SRPK2: variants seen among roughly 807,000 people sequenced by gnomAD.
SRPK2 encodes SRSF protein kinase 2, also known as SFRS protein kinase 2.
In SRPK2, 21 loss-of-function variants were observed where a neutral mutation model predicts 90.8. The observed-to-expected ratio is 0.23, with a 90% CI of 0.16 to 0.33. SRPK2 has a LOEUF of 0.33. Ranked by LOEUF, SRPK2 falls within the 10% of genes least tolerant of loss-of-function variation. The pLI, the probability that SRPK2 is intolerant of heterozygous loss-of-function variation, is 1.00. For missense variants in SRPK2, 620 were observed against 869.0 expected (o/e 0.71, Z 3.60); for synonymous variants, 288 against 311.1 (o/e 0.93, Z 0.78).
chr7:105,322,273 C>T (rs75537225), intron 2 of SRPK2, among the ~76,000 whole-genome samples: 3 of 151,964 alleles, frequency 2.0e-5, no homozygotes, highest in Admixed American at 1.3e-4. Flanking sequence ...AAAAATTAGC[C>T]GGGCATAGGG....
intron 3 of SRPK2, among the ~76,000 whole-genome samples, chr7:105,186,847 C>G (rs79435087): frequency 2.7e-3 from 409 of 152,274 alleles, no homozygotes; most frequent in African/African-American, 9.3e-3. Flanking sequence ...TGCTCTGAGG[C>G]CACCATGCTC....
chr7:105,141,748 CA>C (rs1486026280), intron 11 of SRPK2, among the ~76,000 whole-genome samples: 1 of 152,248 alleles, frequency 6.6e-6, no homozygotes, highest in African/African-American at 2.4e-5. Flanking sequence ...AAGGTTTTTG[CA>C]AATGATGCTG....
At position 105,388,883 on chromosome 7, in the gene SRPK2, A is replaced by G; in HGVS notation, c.-77T>C. ...CGAGACGAGCTGGGCTGCAGCCTCCACTCGCTCCGCCGGCCGGGAGGAGAC... is the reference window on the plus strand; with the variant it reads ...CGAGACGAGCTGGGCTGCAGCCTCCGCTCGCTCCGCCGGCCGGGAGGAGAC... On this transcript the variant is annotated 5_prime_UTR_variant, in exon 1 of 16. Transcript: ENST00000393651. The G allele has an allele frequency of 8.0e-7, 1 of 1,243,716 alleles. No homozygotes were observed. Among genetic ancestry groups the G allele is most frequent in the South Asian group, 3.3e-5 (1 of 30,742 alleles). The allele number at this position is 1,243,716 out of a possible 1,614,324, so 77.0% of individuals were successfully genotyped here. A position where few individuals can be genotyped will look rare whatever the true frequency, so the allele number is the denominator to read the frequency against.
chr7:105,123,069 TGAAGACAGGACAGG>T (rs1194501976), intron 15 of SRPK2, among the ~76,000 whole-genome samples: 2 of 152,114 alleles, frequency 1.3e-5, no homozygotes, highest in Non-Finnish European at 2.9e-5. Context: ...ACCCACTTCT[TGAAGACAGGACAGG>T]GAAAAAATTC....
At chr7:105,272,409 T>G (rs146054477) in intron 2 of SRPK2, among the ~76,000 whole-genome samples, 1 of 152,240 alleles carries the variant, frequency 6.6e-6, no homozygotes, top group Non-Finnish European at 1.5e-5. Flanking sequence ...CCTGTGTAGT[T>G]TGAATAAATA....
At chr7:105,311,388 A>G (rs1333079070) in intron 2 of SRPK2, among the ~76,000 whole-genome samples, 1 of 152,108 alleles carries the variant, frequency 6.6e-6, no homozygotes, top group African/African-American at 2.4e-5. Flanking sequence ...ACCTGCCACC[A>G]CGCCTAGCTA....
chr7:105,149,316 G>C (rs1805189701), intron 7 of SRPK2, among the ~76,000 whole-genome samples: 1 of 152,290 alleles, frequency 6.6e-6, no homozygotes, highest in South Asian at 2.1e-4. Context: ...TGTTTGGGTG[G>C]AGAGAAACAT....
intron 2 of SRPK2, among the ~76,000 whole-genome samples, chr7:105,280,624 T>G (rs917764545): frequency 1.8e-4 from 24 of 132,798 alleles, no homozygotes; most frequent in Non-Finnish European, 3.1e-4. Flanking sequence ...GGAGGCTATT[T>G]ACATGTATAA....
chr7:105,235,948 T>C (rs1484640942), intron 2 of SRPK2, among the ~76,000 whole-genome samples: 1 of 152,224 alleles, frequency 6.6e-6, no homozygotes, highest in East Asian at 1.9e-4. Flanking sequence ...AGTACTTCTA[T>C]ACTAACATCT....
At position 105,333,283 on chromosome 7, in the gene SRPK2, A is replaced by G. The variant is rs190288015; in HGVS notation, c.71+55365T>C. On this transcript the variant is annotated intron_variant, in intron 2 of 15. Coordinates refer to ENST00000393651, the MANE Select transcript of SRPK2 (RefSeq NM_182692.3). ...TGTATGAAATGTTACATTGGAAATT[A>G]TAACAATATAGGTTGGATAATACCC... Among the ~76,000 whole-genome samples, 682 of 152,376 alleles carry G rather than the reference A, an allele frequency of 4.5e-3. 6 individuals are homozygous for G. The highest frequency in any genetic ancestry group is 0.015 in the African/African-American group (642 of 41,600).
intron 2 of SRPK2, among the ~76,000 whole-genome samples, chr7:105,263,724 T>C (rs962904549): frequency 1.3e-5 from 2 of 151,978 alleles, no homozygotes; most frequent in Non-Finnish European, 2.9e-5. Context: ...TGGCAAAGAT[T>C]TCTTAGGCAC....
chr7:105,223,449 C>T (rs1798345007), intron 2 of SRPK2, among the ~76,000 whole-genome samples: 1 of 152,198 alleles, frequency 6.6e-6, no homozygotes, highest in Non-Finnish European at 1.5e-5. Flanking sequence ...TTAAATGTCT[C>T]CCATCTCAGC....
chr7:105,282,175 C>T (rs1008703027), intron 2 of SRPK2, among the ~76,000 whole-genome samples: 1 of 152,114 alleles, frequency 6.6e-6, no homozygotes, highest in African/African-American at 2.4e-5. Context: ...CCTCACATTA[C>T]AATCAAGTGA....
intron 2 of SRPK2, among the ~76,000 whole-genome samples, chr7:105,222,383 G>A (rs1268574318): frequency 3.9e-5 from 6 of 152,138 alleles, no homozygotes; most frequent in Admixed American, 1.3e-4. Context: ...ATATTAACAA[G>A]TAACATTCCT....
chr7:105,194,506 T>C (rs1794680982), intron 3 of SRPK2, among the ~76,000 whole-genome samples: 1 of 152,170 alleles, frequency 6.6e-6, no homozygotes, highest in South Asian at 2.1e-4. Context: ...AACAGCATAG[T>C]TACAGGCCAC....
chr7:105,127,515 G>A (rs1398389062), intron 13 of SRPK2, among the ~76,000 whole-genome samples: 1 of 152,160 alleles, frequency 6.6e-6, no homozygotes, highest in Admixed American at 6.5e-5. Context: ...TAGTAACCAA[G>A]GACTATTTTC....
At chr7:105,389,208 ACCCT>A, upstream of SRPK2, 2 of 1,159,000 alleles carry the variant, frequency 1.7e-6, no homozygotes, top group South Asian at 3.3e-5. Context: ...GACCCGCGGG[ACCCT>A]CCCTCCCCGC....
chr7:105,320,565 C>T (rs1563233847), intron 2 of SRPK2, among the ~76,000 whole-genome samples: 1 of 152,022 alleles, frequency 6.6e-6, no homozygotes, highest in Non-Finnish European at 1.5e-5. Context: ...TAAGGCGACC[C>T]ATAAAAATAA....
intron 2 of SRPK2, among the ~76,000 whole-genome samples, chr7:105,293,066 G>A (rs892714595): frequency 1.3e-5 from 2 of 151,998 alleles, no homozygotes; most frequent in African/African-American, 4.8e-5. Flanking sequence ...AGGAGGGAGG[G>A]GGGCGCGGAT....
Sources: gnomAD v4.1 joint callset for allele counts (sites outside exome capture counted in the v4.1 genomes callset) on GRCh38, gnomAD v4.1.1 for gene constraint, MANE v1.5 for transcripts, NCBI Gene and HGNC (gene_info 2026-07-23, HGNC 2026-07-21) for gene names.